RIN3: variants seen among roughly 807,000 people sequenced by gnomAD.
RIN3 encodes Ras and Rab interactor 3, also known as RAB5 interacting protein 3.
In RIN3, 54 loss-of-function variants were observed where a neutral mutation model predicts 76.3. The observed-to-expected ratio is 0.71, with a 90% CI of 0.57 to 0.89. The LOEUF (loss-of-function observed/expected upper bound fraction) is 0.89. Ranked by LOEUF, RIN3 falls within the 40% of genes least tolerant of loss-of-function variation. The probability of loss-of-function intolerance (pLI) is 0.00; values close to 1 mark genes in which losing one functional copy is unlikely to be tolerated. For synonymous variants in RIN3, 576 were observed against 564.0 expected (o/e 1.02, Z -0.30); for missense variants, 1,256 against 1,322.1 (o/e 0.95, Z 0.78).
chr14:92,661,750 C>A (rs1566893413), intron 7 of RIN3, among the ~76,000 whole-genome samples: 1 of 140,330 alleles, frequency 7.1e-6, no homozygotes, highest in African/African-American at 2.7e-5. Context: ...CACACACACA[C>A]ACACACACAA....
intron 4 of RIN3, among the ~76,000 whole-genome samples, chr14:92,636,146 G>A (rs1886767187): frequency 1.3e-5 from 2 of 152,108 alleles, no homozygotes; most frequent in African/African-American, 2.4e-5. Context: ...GCTAATATAC[G>A]TAAAGTGCTT....
chr14:92,653,474 C>T (rs1011654201), intron 6 of RIN3, among the ~76,000 whole-genome samples: 1 of 152,152 alleles, frequency 6.6e-6, no homozygotes, highest in African/African-American at 2.4e-5. Context: ...GCTCGCTCTG[C>T]GGCTTCCCAC....
intron 2 of RIN3, among the ~76,000 whole-genome samples, chr14:92,570,894 C>T (rs921455683): frequency 6.6e-6 from 1 of 152,208 alleles, no homozygotes; most frequent in African/African-American, 2.4e-5. Context: ...CAGATTGCTA[C>T]AACCTAGGAA....
At chr14:92,613,202 G>C (rs1444980158) in intron 3 of RIN3, among the ~76,000 whole-genome samples, 3 of 152,122 alleles carry the variant, frequency 2.0e-5, no homozygotes, top group Admixed American at 6.6e-5. Flanking sequence ...TCTGCTGCCG[G>C]AAGTCTTTTG....
Position 92,649,753 on chromosome 14 carries a change from T to C in RIN3, c.533-1829T>C, listed in dbSNP as rs192954585. Reference sequence around the variant, plus strand: ...CGGTGACTGTGATGGGCACAGAGCTTTGCACATTGGAAAGAGTCACAGGAA... The same window carrying C: ...CGGTGACTGTGATGGGCACAGAGCTCTGCACATTGGAAAGAGTCACAGGAA... On this transcript the variant is annotated intron_variant, in intron 5 of 9. Coordinates refer to ENST00000216487, the MANE Select transcript of RIN3 (RefSeq NM_024832.5). Among the ~76,000 whole-genome samples the C allele has an allele frequency of 1.8e-4, 28 of 152,310 alleles. No homozygotes were observed. In the East Asian group the frequency reaches 4.8e-3, roughly 26 times the overall value.
intron 4 of RIN3, among the ~76,000 whole-genome samples, chr14:92,617,294 C>G (rs535217756): frequency 6.6e-6 from 1 of 151,604 alleles, no homozygotes; most frequent in East Asian, 1.9e-4. Flanking sequence ...GAGCAAAACT[C>G]CATCTCAAAA....
At position 92,656,323 on chromosome 14, in the gene RIN3, T is replaced by G. The variant is rs1887667177; in HGVS notation, c.2027-2838T>G. ...TTCACACAGGCAGTGAAAGTCAGCC[T>G]GAGGATTTAGCCCAGAGGTGATGGA... On this transcript the variant is annotated intron_variant, in intron 6 of 9. Transcript: ENST00000216487. The surrounding 1 kb of genome is among the most constrained non-coding windows in gnomAD (Gnocchi z 5.2). Among the ~76,000 whole-genome samples, 1 of 152,128 alleles carries G rather than the reference T, an allele frequency of 6.6e-6. No individual in the cohort carries two copies. The highest frequency in any genetic ancestry group is 1.5e-5 in the Non-Finnish European group (1 of 68,028).
At chr14:92,607,093 C>G (rs1423061306) in intron 3 of RIN3, among the ~76,000 whole-genome samples, 1 of 152,144 alleles carries the variant, frequency 6.6e-6, no homozygotes. Context: ...ATGGGCAAAA[C>G]ACATGAACAG....
chr14:92,600,729 TTC>T lies in RIN3; in HGVS notation c.368-14669_368-14668del, dbSNP rs1369145256. On this transcript the variant is annotated intron_variant, in intron 3 of 9. Transcript: ENST00000216487. ...GGTTCACTCAAGGAGCACAAACTGG[TTC>T]TCTCTCTCGAGCAGGGTGTCTGAAA... Among the ~76,000 whole-genome samples the T allele has an allele frequency of 2.0e-5, 3 of 152,324 alleles. No individual in the cohort carries two copies. In the East Asian group the frequency reaches 5.8e-4, roughly 29 times the overall value.
intron 3 of RIN3, among the ~76,000 whole-genome samples, chr14:92,595,538 G>A (rs547329180): frequency 5.4e-4 from 82 of 152,266 alleles, no homozygotes; most frequent in Non-Finnish European, 8.5e-4. Flanking sequence ...TCCCAGATTT[G>A]CTTTGCTCTG....
intron 1 of RIN3, among the ~76,000 whole-genome samples, chr14:92,533,176 A>T (rs780509458): frequency 6.6e-6 from 1 of 152,264 alleles, no homozygotes. Context: ...CACTGAAAAG[A>T]TGTAAACTTT....
intron 7 of RIN3, among the ~76,000 whole-genome samples, chr14:92,665,775 G>A (rs1401027144): frequency 7.3e-6 from 1 of 136,708 alleles, no homozygotes; most frequent in African/African-American, 2.7e-5. Flanking sequence ...TTTTGTGTTT[G>A]TCAGATGTTT....
chr14:92,611,294 CT>C (rs71461979), intron 3 of RIN3, among the ~76,000 whole-genome samples: 76,057 of 151,588 alleles, frequency 0.5, 19,923 homozygotes, highest in Admixed American at 0.61. Context: ...ACATGACCTT[CT>C]TTTTTTTTGG....
intron 4 of RIN3, among the ~76,000 whole-genome samples, chr14:92,640,081 G>A (rs1486886845): frequency 6.9e-6 from 1 of 144,166 alleles, no homozygotes; most frequent in Admixed American, 7.0e-5. Flanking sequence ...TTTGCTGGGA[G>A]ATGCCTGACT....
chr14:92,539,055 C>A (rs981912570), intron 1 of RIN3, among the ~76,000 whole-genome samples: 5 of 152,072 alleles, frequency 3.3e-5, no homozygotes, highest in African/African-American at 1.2e-4. Context: ...AGGGCCTGCC[C>A]GTTGCTCTTG....
In RIN3 at chr14:92,532,896, C is replaced by T. The variant is rs59944372; in HGVS notation, c.44+18920C>T. On this transcript the variant is annotated intron_variant, in intron 1 of 9. Coordinates refer to ENST00000216487, the MANE Select transcript of RIN3 (RefSeq NM_024832.5). ...TGAAAGCCGGGGAGCTTGGAGGGGA[C>T]GAGACTCAGGAGGCTCATCTCAGGC... 9.9e-3 allele frequency among the ~76,000 whole-genome samples: 1,500 copies of T among 152,142 alleles called. 23 individuals are homozygous for T. The highest frequency in any genetic ancestry group is 0.034 in the African/African-American group (1,428 of 41,498).
At chr14:92,549,827 A>G (rs1486710414) in intron 1 of RIN3, among the ~76,000 whole-genome samples, 1 of 152,144 alleles carries the variant, frequency 6.6e-6, no homozygotes. Flanking sequence ...TCTATTCCCC[A>G]TGAGTGGGAG....
Position 92,651,532 on chromosome 14 carries a change from A to T in RIN3, c.533-50A>T. ...CACAGACCCCGCCCAGCACAGCAAC[A>T]CCTAGTCCCTGGCACAGACTGACCC... On this transcript the variant is annotated intron_variant, in intron 5 of 9. Coordinates refer to ENST00000216487, the MANE Select transcript of RIN3 (RefSeq NM_024832.5). 4 of 1,241,986 alleles carry T rather than the reference A, an allele frequency of 3.2e-6. No individual in the cohort carries two copies. In the South Asian group the frequency reaches 5.5e-5, roughly 17 times the overall value. 76.9% of individuals were successfully genotyped at this position (1,241,986 alleles called of 1,614,324 possible).
At position 92,594,123 on chromosome 14, in the gene RIN3, TA is replaced by T. The variant is rs534941173; in HGVS notation, c.367+16654del. Among the ~76,000 whole-genome samples the T allele has an allele frequency of 7.4e-3, 1,132 of 151,990 alleles. 10 individuals carry two copies. The highest frequency in any genetic ancestry group is 0.025 in the African/African-American group (1,049 of 41,452). ...ACATCCTGGGCCGTAATACACACCTTAAAAAAAATTTAAAAGGCTTGCAATC... is the reference window on the plus strand; with the variant it reads ...ACATCCTGGGCCGTAATACACACCTTAAAAAAATTTAAAAGGCTTGCAATC... On this transcript the variant is annotated intron_variant, in intron 3 of 9. Coordinates refer to ENST00000216487, the MANE Select transcript of RIN3 (RefSeq NM_024832.5).
Sources: allele counts gnomAD v4.1 joint callset (sites outside exome capture counted in the v4.1 genomes callset), GRCh38; gene constraint gnomAD v4.1.1; non-coding constraint Gnocchi (gnomAD v3.1); transcripts MANE v1.5; gene names NCBI Gene and HGNC (gene_info 2026-07-23, HGNC 2026-07-21).